CAND2: variants seen among roughly 807,000 people sequenced by gnomAD.
CAND2 encodes cullin-associated NEDD8-dissociated protein 2.
Under a neutral mutation model 98.9 loss-of-function variants are expected in CAND2, and 62 were observed. The ratio of observed to expected loss-of-function variants is 0.63; its 90% confidence interval spans 0.51 to 0.77. The LOEUF (loss-of-function observed/expected upper bound fraction) is 0.77, where lower values mean the gene tolerates loss of function less well. Ranked by LOEUF, CAND2 falls within the 30% of genes least tolerant of loss-of-function variation. The pLI, the probability that CAND2 is intolerant of heterozygous loss-of-function variation, is 0.00. For missense variants in CAND2, 1,501 were observed against 1,655.2 expected, an observed-to-expected ratio of 0.91 and a Z score of 1.62; for synonymous variants, 770 against 731.9, an observed-to-expected ratio of 1.05 and a Z score of -0.84.
chr3:12,813,315 C>A lies in CAND2; in HGVS notation c.933C>A (p.Asp311Glu). 6.2e-7 allele frequency: 1 copy of A among 1,614,140 alleles called. No individual in the cohort carries two copies. The highest frequency in any genetic ancestry group is 1.1e-5 in the South Asian group (1 of 91,074). ...TCTGCCTCCAATACATAAAACACGA[C>A]CCCAACTACAACTACGACAGTGATG... ...TSLCLQYIKHDPNYNYDSDED... is the reference protein window; with the variant it reads ...TSLCLQYIKHEPNYNYDSDED... Residue 311 changes from aspartate to glutamate, a missense_variant, in exon 7 of 15, where the codon GAC becomes GAA. Around this residue, in one of 3 missense-constraint regions of CAND2, gnomAD observed 1,427 missense variants for 1,545.3 expected, o/e 0.92. Transcript: ENST00000456430.
chr3:12,814,703 G>GC (rs2124850950), intron 7 of CAND2, among the ~76,000 whole-genome samples: 1 of 152,210 alleles, frequency 6.6e-6, no homozygotes, highest in South Asian at 2.1e-4. Context: ...TGAGTTTTGT[G>GC]CCCCAAATTG....
In CAND2 at chr3:12,834,092, A is replaced by C; in HGVS notation, c.*110A>C. ...TCTACTTTTGCCCTTCCACCATCTC[A>C]CTGGGGGCCCTGTCGCTCCTGGTCA... On this transcript the variant is annotated 3_prime_UTR_variant, in exon 15 of 15. Coordinates refer to ENST00000456430, the MANE Select transcript of CAND2 (RefSeq NM_001162499.2). 3 of 868,010 alleles carry C rather than the reference A, an allele frequency of 3.5e-6. No individual in the cohort carries two copies. The highest frequency in any genetic ancestry group is 5.5e-6 in the Non-Finnish European group (3 of 549,930). 53.8% of individuals were successfully genotyped at this position (868,010 alleles called of 1,614,324 possible).
rs2061865330 is a variant in CAND2, at chr3:12,812,987, C to T, written c.758-3C>T. The T allele has an allele frequency of 1.3e-6, 2 of 1,560,952 alleles. No homozygotes were observed. Among genetic ancestry groups the T allele is most frequent in the Non-Finnish European group, 1.7e-6 (2 of 1,151,234 alleles). On this transcript the variant is annotated splice_polypyrimidine_tract_variant and splice_region_variant and intron_variant, in intron 5 of 14. Coordinates refer to ENST00000456430, the MANE Select transcript of CAND2 (RefSeq NM_001162499.2). ...GGGTTCAGTGATCCACCTGGCCCTG[C>T]AGGGGCTCACCTGGACCGCCTGGTG... is the stretch of plus-strand genomic sequence containing the variant.
At chr3:12,811,641 G>A (rs1342061303) in intron 5 of CAND2, among the ~76,000 whole-genome samples, 7 of 150,622 alleles carry the variant, frequency 4.6e-5, no homozygotes, top group Admixed American at 1.3e-4. Context: ...GTGCAGTCTC[G>A]GCTCACCGCA....
intron 11 of CAND2, among the ~76,000 whole-genome samples, chr3:12,823,968 T>TA (rs58148468): frequency 1.3e-5 from 2 of 151,448 alleles, no homozygotes; most frequent in African/African-American, 4.9e-5. Context: ...CCCCCATCCT[T>TA]ATTTCTTTAT....
chr3:12,829,522 C>G (rs981940678), intron 13 of CAND2, among the ~76,000 whole-genome samples: 1 of 152,162 alleles, frequency 6.6e-6, no homozygotes, highest in Non-Finnish European at 1.5e-5. Flanking sequence ...ACAAAGTAAT[C>G]AAAAGTAACC....
At position 12,810,338 on chromosome 3, in the gene CAND2, G is replaced by T; in HGVS notation, c.757+14G>T. 7.0e-7 allele frequency: 1 copy of T among 1,432,158 alleles called. No individual in the cohort carries two copies. The highest frequency in any genetic ancestry group is 2.7e-5 in the Admixed American group (1 of 36,954). The allele number at this position is 1,432,158 out of a possible 1,614,324, so 88.7% of individuals were successfully genotyped here. A position where few individuals can be genotyped will look rare whatever the true frequency, so the allele number is the denominator to read the frequency against. On this transcript the variant is annotated intron_variant, in intron 5 of 14. Coordinates refer to ENST00000456430, the MANE Select transcript of CAND2 (RefSeq NM_001162499.2). ...GCCACCGCCTCGGTAAGGGGGCAGG[G>T]GGCGGGGCCTGGGCTGGCATGGTGG...
At chr3:12,833,681 A>G in intron 14 of CAND2, 74 bp from the exon 15 acceptor site, 1 of 1,215,278 alleles carries the variant, frequency 8.2e-7, no homozygotes, top group Non-Finnish European at 1.2e-6. Context: ...AGAGGAAGCC[A>G]AAGACCAGTG....
Position 12,810,189 on chromosome 3 carries a change from A to G in CAND2, c.622A>G (p.Thr208Ala). Residue 208 changes from threonine (T) to alanine (A), a missense_variant, in exon 5 of 15, where the codon ACC becomes GCC. Physicochemically the swap from Thr to Ala is moderately conservative, Grantham distance 58. This residue lies in a region of CAND2 where 1,427 missense variants were observed against 1,545.3 expected (regional missense o/e 0.92). Transcript: ENST00000456430. ...TGGCCACCTGGCGGCCGCCTGCAGC[A>G]CCGACCTCTTCGTCGAGCTCGCTGA... ...ALGHLAAACS[T>A]DLFVELADHL... is the part of the protein sequence containing the mutation. 6.5e-7 allele frequency: 1 copy of G among 1,540,176 alleles called. No individual in the cohort carries two copies. Among genetic ancestry groups the G allele is most frequent in the Non-Finnish European group, 8.7e-7 (1 of 1,148,468 alleles).
At chr3:12,820,887 G>C (rs2061952178) in intron 11 of CAND2, among the ~76,000 whole-genome samples, 1 of 152,208 alleles carries the variant, frequency 6.6e-6, no homozygotes, top group Admixed American at 6.5e-5. Flanking sequence ...TCCTGGCCCT[G>C]CTATTCCCTG....
At chr3:12,830,368 C>T (rs1227222055) in intron 13 of CAND2, among the ~76,000 whole-genome samples, 3 of 152,162 alleles carry the variant, frequency 2.0e-5, no homozygotes, top group South Asian at 2.1e-4. Flanking sequence ...AGGCTCCAGA[C>T]GGGAGGGGTG....
At chr3:12,813,483 C>T (rs2061871512) in intron 7 of CAND2, 95 bp downstream of exon 7, 2 of 1,311,956 alleles carry the variant, frequency 1.5e-6, no homozygotes, top group Non-Finnish European at 1.1e-6. Context: ...ATTTGGTGCC[C>T]CTGTCCTGAT....
intron 11 of CAND2, among the ~76,000 whole-genome samples, chr3:12,821,531 C>G (rs1030468733): frequency 7.9e-5 from 12 of 152,200 alleles, no homozygotes; most frequent in Non-Finnish European, 1.8e-4. Context: ...GCAAGGTCAT[C>G]GGCAGCAACT....
Position 12,824,243 on chromosome 3 carries a change from AT to A in CAND2, c.3041-1219del, listed in dbSNP as rs1173185022. ...CTAGAACTTAAAGTATAATAAAAAA[AT>A]TTTTTTTAAGTTTAAACTCTATATC... On this transcript the variant is annotated intron_variant, in intron 11 of 14. Coordinates refer to ENST00000456430, the MANE Select transcript of CAND2 (RefSeq NM_001162499.2). 1.4e-4 allele frequency among the ~76,000 whole-genome samples: 21 copies of A among 152,338 alleles called. No homozygotes were observed. The East Asian group carries it at 3.9e-3, about 28-fold the overall frequency.
chr3:12,825,650 G>GAGCAGGGGACCCAGGGGA lies in CAND2; in HGVS notation c.3210+14_3210+15insAGGGGACCCAGGGGAAGC. ...GACCTCATCCGAGAGGTGTGGAGCA[G>GAGCAGGGGACCCAGGGGA]AGCTGGGGACCCAGGGGAAGCTGGG... On this transcript the variant is annotated intron_variant, in intron 12 of 14. Coordinates refer to ENST00000456430, the MANE Select transcript of CAND2 (RefSeq NM_001162499.2). The GAGCAGGGGACCCAGGGGA allele has an allele frequency of 6.3e-7, 1 of 1,589,496 alleles. No homozygotes were observed. The highest frequency in any genetic ancestry group is 8.6e-7 in the Non-Finnish European group (1 of 1,167,316).
At chr3:12,819,984 G>A in intron 10 of CAND2, 102 bp from the exon 11 acceptor site, 1 of 907,694 alleles carries the variant, frequency 1.1e-6, no homozygotes, top group Non-Finnish European at 1.8e-6. Flanking sequence ...GTACAGTTCT[G>A]TTTTCCAGGG....
chr3:12,806,943 A>G (rs2124839978), intron 2 of CAND2, among the ~76,000 whole-genome samples: 1 of 152,006 alleles, frequency 6.6e-6, no homozygotes, highest in East Asian at 1.9e-4. Flanking sequence ...GCACACTATC[A>G]GGCCACACCT....
chr3:12,812,894 C>A, intron 5 of CAND2, 96 bp from the exon 6 acceptor site: 1 of 749,498 alleles, frequency 1.3e-6, no homozygotes, highest in South Asian at 1.6e-5. Context: ...CTACAGTGGT[C>A]AGGGCTGCAG....
In CAND2 at chr3:12,815,415, C is replaced by G. The variant is rs1295723416; in HGVS notation, c.1281C>G (p.Leu427=). 1.2e-6 allele frequency: 2 copies of G among 1,611,908 alleles called. No homozygotes were observed. Among genetic ancestry groups the G allele is most frequent in the Non-Finnish European group, 1.7e-6 (2 of 1,178,806 alleles). The part of the protein sequence containing the change: ...MEEPTQTGSN[L]HMLRGQVPLV... Reference sequence around the variant, plus strand: ...AACCCACCCAGACCGGCAGCAACCTCCATATGCTACGTGGACAGGTGGGCG... The same window carrying G: ...AACCCACCCAGACCGGCAGCAACCTGCATATGCTACGTGGACAGGTGGGCG... The change falls in exon 8 of 15, where the codon CTC becomes CTG. Residue 427 remains leucine, a synonymous_variant. Transcript: ENST00000456430. This position sits in a 1 kb window ranked among gnomAD's most constrained non-coding sequence, Gnocchi z 5.7.
Sources: allele counts gnomAD v4.1 joint callset (sites outside exome capture counted in the v4.1 genomes callset), GRCh38; gene constraint gnomAD v4.1.1; regional missense constraint gnomAD v4.1.1; non-coding constraint Gnocchi (gnomAD v3.1); transcripts MANE v1.5; gene names NCBI Gene and HGNC (gene_info 2026-07-23, HGNC 2026-07-21).